The following RGSL1 variants were observed in gnomAD, a reference collection of about 807,000 sequenced individuals.
The protein encoded by RGSL1 is regulator of G protein signaling like 1.
Under a neutral mutation model 124.7 loss-of-function variants are expected in RGSL1, and 97 were observed. The ratio of observed to expected loss-of-function variants is 0.78; its 90% CI spans 0.66 to 0.92. The LOEUF is 0.92. RGSL1 is among the 40% of genes least tolerant of loss of function. RGSL1 has a pLI of 0.00. For missense variants in RGSL1, 1,233 were observed against 1,288.4 expected (o/e 0.96, Z 0.66); for synonymous variants, 424 against 438.1 (o/e 0.97, Z 0.40).
rs191374232 is a variant in RGSL1, at chr1:182,504,182, T to C, written c.1825+11053T>C. On this transcript the variant is annotated intron_variant, in intron 9 of 21. Transcript: ENST00000294854. Reference sequence around the variant, plus strand: ...TTTTAGTAGAGACGGGGTTTCACCATGTTGGCCAGACTGGTCTCGAACTCC... The same window carrying C: ...TTTTAGTAGAGACGGGGTTTCACCACGTTGGCCAGACTGGTCTCGAACTCC... Among the ~76,000 whole-genome samples, 471 of 152,150 alleles carry C rather than the reference T, an allele frequency of 3.1e-3. 4 individuals carry two copies. Among genetic ancestry groups the C allele is most frequent in the African/African-American group, 0.011 (448 of 41,518 alleles).
chr1:182,516,093 C>T (rs192841776), intron 9 of RGSL1, among the ~76,000 whole-genome samples: 10 of 152,296 alleles, frequency 6.6e-5, no homozygotes, highest in Admixed American at 1.3e-4. Context: ...ACAAATAATG[C>T]CTTTGTTGCC....
Position 182,540,331 on chromosome 1 carries a change from T to C in RGSL1, c.2579T>C (p.Ile860Thr). The C allele has an allele frequency of 6.4e-7, 1 of 1,551,448 alleles. No homozygotes were observed. Among genetic ancestry groups the C allele is most frequent in the Non-Finnish European group, 8.7e-7 (1 of 1,146,786 alleles). Residue 860 changes from isoleucine to threonine, a missense_variant, in exon 15 of 22, where the codon ATA (isoleucine) becomes ACA (threonine). Transcript: ENST00000294854. ...VRSADQENGE[I>T]TLVKRRIFGH... The stretch of plus-strand genomic sequence containing the variant: ...AGTGCAGACCAAGAGAATGGAGAAA[T>C]AACCCTTGTAAAGCGTCGTATATTT...
chr1:182,480,576 C>T (rs1459212419), intron 6 of RGSL1, among the ~76,000 whole-genome samples: 4 of 151,984 alleles, frequency 2.6e-5, no homozygotes, highest in South Asian at 2.1e-4. Context: ...CTACCTTAGC[C>T]TCCTGAGTAG....
At chr1:182,534,343 A>G (rs1446319956) in intron 14 of RGSL1, among the ~76,000 whole-genome samples, 2 of 152,184 alleles carry the variant, frequency 1.3e-5, no homozygotes, top group Non-Finnish European at 1.5e-5. Context: ...AATGTGCCAG[A>G]TAGTCTATTC....
chr1:182,513,124 C>A (rs943544970), intron 9 of RGSL1, among the ~76,000 whole-genome samples: 12 of 152,344 alleles, frequency 7.9e-5, no homozygotes, highest in African/African-American at 2.6e-4. Context: ...ACTGCCCTCG[C>A]CTACCCAGTA....
chr1:182,518,533 C>G (rs185331463), intron 9 of RGSL1, among the ~76,000 whole-genome samples: 2 of 152,154 alleles, frequency 1.3e-5, no homozygotes, highest in African/African-American at 4.8e-5. Context: ...CCCACTTACC[C>G]GCTTTGCCTC....
Position 182,489,083 on chromosome 1 carries a change from G to A in RGSL1, c.1598G>A (p.Ser533Asn), listed in dbSNP as rs537151894. ...AGGATTCAGCAGTCTCTAGAGTTAA[G>A]CCAGGCTTTGGCTGACATGAAGGAA... is the stretch of plus-strand genomic sequence containing the variant. ...YKRIQQSLEL[S>N]QALADMKEMD... Residue 533 changes from serine (S) to asparagine (N), a missense_variant, in exon 8 of 22, where the codon AGC (serine) becomes AAC (asparagine). Physicochemically the swap from Ser to Asn is conservative, Grantham distance 46 (BLOSUM62 1). Coordinates refer to ENST00000294854, the MANE Select transcript of RGSL1 (RefSeq NM_001137669.2). 1.3e-6 allele frequency: 2 copies of A among 1,551,652 alleles called. No individual in the cohort carries two copies. Among genetic ancestry groups the A allele is most frequent in the South Asian group, 1.2e-5 (1 of 84,056 alleles).
intron 6 of RGSL1, among the ~76,000 whole-genome samples, chr1:182,481,607 C>A (rs1654712736): frequency 6.6e-6 from 1 of 152,144 alleles, no homozygotes; most frequent in African/African-American, 2.4e-5. Context: ...AACTCTGACA[C>A]CAAAGCCAGA....
rs1417098156 is a variant in RGSL1 at position 182,532,757 on chromosome 1, C to T, written c.2460C>T (p.Asp820=). The T allele has an allele frequency of 1.3e-6, 2 of 1,550,742 alleles. No homozygotes were observed. The highest frequency in any genetic ancestry group is 2.4e-5 in the East Asian group (1 of 40,908). The change falls in exon 14 of 22, where the codon GAC becomes GAT. Residue 820 remains aspartate, a synonymous_variant. Coordinates refer to ENST00000294854, the MANE Select transcript of RGSL1 (RefSeq NM_001137669.2). ...CTAGTAAGCGCCAGGAATTTGAAGACTATCTTCACCAGGAAATGCAAAATA... is the reference window on the plus strand; with the variant it reads ...CTAGTAAGCGCCAGGAATTTGAAGATTATCTTCACCAGGAAATGCAAAATA... ...LNPSKRQEFE[D]YLHQEMQNSK...
At chr1:182,464,272 C>T (rs2102008402) in intron 4 of RGSL1, among the ~76,000 whole-genome samples, 1 of 152,130 alleles carries the variant, frequency 6.6e-6, no homozygotes, top group African/African-American at 2.4e-5. Flanking sequence ...CAACTTAAGG[C>T]TCTAGAAAAA....
In RGSL1 at chr1:182,540,358, G is replaced by C; in HGVS notation, c.2606G>C (p.Gly869Ala). Reference sequence around the variant, plus strand: ...ACCCTTGTAAAGCGTCGTATATTTGGCCACAGGATTATCACTGTCAACTTT... The same window carrying C: ...ACCCTTGTAAAGCGTCGTATATTTGCCCACAGGATTATCACTGTCAACTTT... Reference protein sequence around the residue: ...EITLVKRRIFGHRIITVNFAI... With the variant: ...EITLVKRRIFAHRIITVNFAI... The change falls in exon 15 of 22, where the codon GGC (glycine) becomes GCC (alanine). Residue 869 changes from glycine (G) to alanine (A), a missense_variant. Coordinates refer to ENST00000294854, the MANE Select transcript of RGSL1 (RefSeq NM_001137669.2). The C allele has an allele frequency of 6.4e-7, 1 of 1,551,196 alleles. No homozygotes were observed. Among genetic ancestry groups the C allele is most frequent in the Non-Finnish European group, 8.7e-7 (1 of 1,146,716 alleles).
intron 18 of RGSL1, among the ~76,000 whole-genome samples, chr1:182,551,745 T>C (rs2102332183): frequency 6.6e-6 from 1 of 152,294 alleles, no homozygotes; most frequent in Non-Finnish European, 1.5e-5. Flanking sequence ...TACATATATA[T>C]ATATACACAC....
chr1:182,484,671 G>A (rs1279089947), intron 6 of RGSL1, among the ~76,000 whole-genome samples: 3 of 152,338 alleles, frequency 2.0e-5, no homozygotes, highest in Middle Eastern at 3.4e-3. Context: ...AGGCCCCTAG[G>A]GGCAGGGTGC....
chr1:182,452,490 T>C (rs1651928197), intron 1 of RGSL1, among the ~76,000 whole-genome samples: 1 of 151,460 alleles, frequency 6.6e-6, no homozygotes, highest in South Asian at 2.1e-4. Flanking sequence ...TCTCACTCTG[T>C]CACTCAGGCT....
rs1159022759 is a variant in RGSL1, at chr1:182,474,456, T to C, written c.1345T>C (p.Ser449Pro). Reference sequence around the variant, plus strand: ...GATTGGTCCGTGCTTACCACTCAAATCCCAAACCATTCAGGGCCTGAAGGA... The same window carrying C: ...GATTGGTCCGTGCTTACCACTCAAACCCCAAACCATTCAGGGCCTGAAGGA... ...EQIGPCLPLK[S>P]QTIQGLKELL... Residue 449 changes from serine (S) to proline (P), a missense_variant, in exon 6 of 22, where the codon TCC becomes CCC. Transcript: ENST00000294854. 2 of 1,551,880 alleles carry C rather than the reference T, an allele frequency of 1.3e-6. No homozygotes were observed. The highest frequency in any genetic ancestry group is 3.9e-5 in the Admixed American group (2 of 51,000).
intron 4 of RGSL1, among the ~76,000 whole-genome samples, chr1:182,465,170 C>T (rs1253746687): frequency 6.7e-6 from 1 of 150,254 alleles, no homozygotes; most frequent in Non-Finnish European, 1.5e-5. Context: ...AACAATTGTA[C>T]ACCAACAAAT....
chr1:182,461,065 C>T (rs1161984969), intron 4 of RGSL1, among the ~76,000 whole-genome samples: 2 of 152,078 alleles, frequency 1.3e-5, no homozygotes, highest in African/African-American at 4.8e-5. Context: ...GTTGTAAGCC[C>T]CTCTCCCTCT....
Position 182,474,019 on chromosome 1 carries a change from C to A in RGSL1, c.908C>A (p.Thr303Lys). 1 of 1,551,780 alleles carries A rather than the reference C, an allele frequency of 6.4e-7. No homozygotes were observed. Among genetic ancestry groups the A allele is most frequent in the Non-Finnish European group, 8.7e-7 (1 of 1,147,006 alleles). ...PSLKMASSKE[T>K]RISSLEKDMH... ...CTGAAAATGGCTTCTTCAAAGGAAA[C>A]AAGAATCAGTTCCCTGGAAAAGGAT... is the stretch of plus-strand genomic sequence containing the variant. The change falls in exon 6 of 22, where the codon ACA becomes AAA. Residue 303 changes from threonine (T) to lysine (K), a missense_variant. Transcript: ENST00000294854.
chr1:182,471,355 G>A, intron 4 of RGSL1: 1 of 457,534 alleles, frequency 2.2e-6, no homozygotes, highest in South Asian at 1.5e-5. Context: ...GAGGGATGTG[G>A]CGCTTCTATT....
Sources: allele counts gnomAD v4.1 joint callset (sites outside exome capture counted in the v4.1 genomes callset), GRCh38; gene constraint gnomAD v4.1.1; transcripts MANE v1.5; gene names NCBI Gene and HGNC (gene_info 2026-07-23, HGNC 2026-07-21).